GALNS: variants seen among roughly 807,000 people sequenced by gnomAD.
GALNS encodes galactosamine (N-acetyl)-6-sulfatase.
A neutral mutation model predicts 65.9 loss-of-function variants in GALNS; 65 were observed. That is an observed-to-expected ratio of 0.99 (90% confidence interval 0.81 to 1.21). The LOEUF (loss-of-function observed/expected upper bound fraction) is 1.21, where lower values mean the gene tolerates loss of function less well. Among genes scored for constraint, GALNS ranks in the 50% most tolerant of loss-of-function variants. The pLI is 0.00. For missense variants in GALNS, 776 were observed against 700.7 expected, an observed-to-expected ratio of 1.11 and a Z score of -1.21; for synonymous variants, 346 against 288.9, an observed-to-expected ratio of 1.20 and a Z score of -2.00.
In GALNS at chr16:88,856,757, C is replaced by A; in HGVS notation, c.120+1G>T. On this transcript the variant is annotated splice_donor_variant, in intron 1 of 13. Transcript: ENST00000268695. LOFTEE classifies it high-confidence loss of function. ...TGCCCCGTCCCACCGCCCGCACTCACGTCGTCCATGAGCAGGAGCAGGATG... is the reference window on the plus strand; with the variant it reads ...TGCCCCGTCCCACCGCCCGCACTCAAGTCGTCCATGAGCAGGAGCAGGATG... The A allele has an allele frequency of 1.3e-6, 2 of 1,525,564 alleles. No homozygotes were observed. Among genetic ancestry groups the A allele is most frequent in the Non-Finnish European group, 1.8e-6 (2 of 1,141,446 alleles). The allele number at this position is 1,525,564 out of a possible 1,614,324, so 94.5% of individuals were successfully genotyped here.
At chr16:88,843,045 G>C in intron 1 of GALNS, 1 of 1,521,884 alleles carries the variant, frequency 6.6e-7, no homozygotes. Flanking sequence ...CATCGCCTGC[G>C]TGCGTGCACG....
At chr16:88,844,600 G>A (rs1479910679) in intron 1 of GALNS, 3 of 152,266 alleles carry the variant, frequency 2.0e-5, no homozygotes, top group African/African-American at 7.2e-5. Flanking sequence ...TGCCTGCCTG[G>A]GCCCCTGCCC....
At chr16:88,856,229 G>A (rs886310663) in intron 1 of GALNS, 26 of 702,920 alleles carry the variant, frequency 3.7e-5, no homozygotes, top group Middle Eastern at 2.3e-4. Context: ...TTCTCCAGAG[G>A]ACAGAGACAG....
At chr16:88,856,003 G>C (rs1967834724) in intron 1 of GALNS, 1 of 598,766 alleles carries the variant, frequency 1.7e-6, no homozygotes, top group African/African-American at 1.9e-5. Flanking sequence ...CCCAAGCTTG[G>C]AGACAGTAGG....
At chr16:88,854,767 G>C (rs1298158060) in intron 1 of GALNS, among the ~76,000 whole-genome samples, 2 of 152,258 alleles carry the variant, frequency 1.3e-5, no homozygotes, top group Non-Finnish European at 2.9e-5. Context: ...GGCGGCCCTG[G>C]TCTGTCGACT....
At chr16:88,815,537 T>C in intron 13 of GALNS, 1 of 985,458 alleles carries the variant, frequency 1.0e-6, no homozygotes, top group Non-Finnish European at 1.2e-6. Context: ...GCACTTTTCC[T>C]GGCAACAGAA....
At chr16:88,843,067 C>G in intron 1 of GALNS, 2 of 1,514,924 alleles carry the variant, frequency 1.3e-6, no homozygotes, top group Non-Finnish European at 1.8e-6. Flanking sequence ...TGGGGCCGCT[C>G]CACGGTCAGC....
intron 1 of GALNS, among the ~76,000 whole-genome samples, chr16:88,849,281 AT>A (rs1967399251): frequency 6.6e-6 from 1 of 151,704 alleles, no homozygotes; most frequent in African/African-American, 2.4e-5. Flanking sequence ...TGCCCAGTTA[AT>A]TATTATTATC....
At chr16:88,852,095 T>A (rs1967532817) in intron 1 of GALNS, among the ~76,000 whole-genome samples, 1 of 152,156 alleles carries the variant, frequency 6.6e-6, no homozygotes, top group Non-Finnish European at 1.5e-5. Flanking sequence ...AACTGGGAGA[T>A]ACTTCCCAGT....
chr16:88,835,927 G>A (rs1164298194), intron 6 of GALNS, 78 bp from the exon 7 acceptor site: 11 of 1,602,508 alleles, frequency 6.9e-6, no homozygotes, highest in Middle Eastern at 1.7e-4. Flanking sequence ...GTCCCCACAC[G>A]TCCCACGGGG....
intron 11 of GALNS, 145 bp downstream of exon 11, chr16:88,824,622 T>TG (rs1172243394): frequency 8.3e-6 from 6 of 721,070 alleles, no homozygotes; most frequent in East Asian, 8.0e-5. Flanking sequence ...GCTGAACGAC[T>TG]GGGGGCCACA....
chr16:88,814,374 T>C lies in GALNS; in HGVS notation c.*65A>G. The C allele has an allele frequency of 6.5e-7, 1 of 1,547,258 alleles. No homozygotes were observed. The highest frequency in any genetic ancestry group is 8.7e-7 in the Non-Finnish European group (1 of 1,145,412). ...TGGGGGAGGACCGAGGCCAGAGCCATCCTTCCTCCAGGCACTTGCAGGGCC... is the reference window on the plus strand; with the variant it reads ...TGGGGGAGGACCGAGGCCAGAGCCACCCTTCCTCCAGGCACTTGCAGGGCC... On this transcript the variant is annotated 3_prime_UTR_variant, in exon 14 of 14. Coordinates refer to ENST00000268695, the MANE Select transcript of GALNS (RefSeq NM_000512.5).
At position 88,822,588 on chromosome 16, in the gene GALNS, C is replaced by T. The variant is rs773746427; in HGVS notation, c.1364+1G>A. On this transcript the variant is annotated splice_donor_variant, in intron 12 of 13. Transcript: ENST00000268695. LOFTEE classifies it high-confidence loss of function. ...AGCCAGGAGGCCCTGCACCGACTCA[C>T]CTGAGGGGGAACCTCTCCCCTGGGT... The T allele has an allele frequency of 6.2e-7, 1 of 1,612,428 alleles. No homozygotes were observed. Among genetic ancestry groups the T allele is most frequent in the South Asian group, 1.1e-5 (1 of 91,078 alleles).
intron 1 of GALNS, chr16:88,856,096 A>C: frequency 1.5e-6 from 1 of 687,986 alleles, no homozygotes; most frequent in East Asian, 2.7e-5. Flanking sequence ...GGTGGCTCCC[A>C]CAAGGAGTTA....
Position 88,814,149 on chromosome 16 carries a change from C to CA in GALNS, c.*289dup, listed in dbSNP as rs1567508608. ...TGGCAAAATAAACTGAGACTGGTCT[C>CA]AGATATTTGGGGTTCACAAAGGCGT... On this transcript the variant is annotated 3_prime_UTR_variant, in exon 14 of 14. Transcript: ENST00000268695. 8.1e-5 allele frequency: 42 copies of CA among 520,592 alleles called. No homozygotes were observed. In the South Asian group the frequency reaches 8.4e-4, roughly 10 times the overall value. The allele number at this position is 520,592 out of a possible 1,614,324, so 32.2% of individuals were successfully genotyped here.
At chr16:88,837,153 C>G (rs1051188148) in intron 5 of GALNS, among the ~76,000 whole-genome samples, 1 of 152,208 alleles carries the variant, frequency 6.6e-6, no homozygotes, top group African/African-American at 2.4e-5. Context: ...ACTGCCGTGT[C>G]AAGAGGTGCT....
chr16:88,843,065 C>A, intron 1 of GALNS: 1 of 1,516,872 alleles, frequency 6.6e-7, no homozygotes, highest in Non-Finnish European at 8.8e-7. Context: ...GATGGGGCCG[C>A]TCCACGGTCA....
At chr16:88,826,663 T>C (rs762603032) in intron 10 of GALNS, 39 bp downstream of exon 10, 1 of 1,601,214 alleles carries the variant, frequency 6.2e-7, no homozygotes, top group South Asian at 1.1e-5. Context: ...CTTCACTACT[T>C]GGATCGGGGG....
At chr16:88,832,150 G>A (rs1911575922) in intron 8 of GALNS, 49 bp from the exon 9 acceptor site, 1 of 1,506,658 alleles carries the variant, frequency 6.6e-7, no homozygotes, top group Admixed American at 1.7e-5. Context: ...ATGTCCCCAG[G>A]CCCTCCCCCT....
Sources: allele counts gnomAD v4.1 joint callset (sites outside exome capture counted in the v4.1 genomes callset), GRCh38; gene constraint gnomAD v4.1.1; transcripts MANE v1.5; gene names NCBI Gene and HGNC (gene_info 2026-07-23, HGNC 2026-07-21).